The following PRRC2C variants were observed in gnomAD, a reference collection of about 807,000 sequenced individuals.
PRRC2C encodes the protein proline rich coiled-coil 2C, also known as protein PRRC2C.
PRRC2C carries 72 observed loss-of-function variants against 317.2 expected under a neutral mutation model. The ratio of observed to expected loss-of-function variants is 0.23; its 90% CI spans 0.19 to 0.28. The LOEUF (loss-of-function observed/expected upper bound fraction) is 0.28. PRRC2C is among the 10% of genes least tolerant of loss of function. The pLI is 1.00. For missense variants in PRRC2C, 3,074 were observed against 3,459.7 expected, an observed-to-expected ratio of 0.89 and a Z score of 2.80; for synonymous variants, 1,296 against 1,205.9, an observed-to-expected ratio of 1.07 and a Z score of -1.55.
intron 18 of PRRC2C, among the ~76,000 whole-genome samples, chr1:171,555,025 G>A (rs1681078441): frequency 6.6e-6 from 1 of 152,200 alleles, no homozygotes; most frequent in African/African-American, 2.4e-5. Context: ...CTAGGTTGGG[G>A]AAGTTCTCCT....
intron 1 of PRRC2C, among the ~76,000 whole-genome samples, chr1:171,509,330 G>C (rs1372016574): frequency 6.6e-6 from 1 of 152,222 alleles, no homozygotes; most frequent in African/African-American, 2.4e-5. Flanking sequence ...TAAACAGGCA[G>C]TGTGGGGATA....
At position 171,573,211 on chromosome 1, in the gene PRRC2C, A is replaced by G. The variant is rs142176993; in HGVS notation, c.6754-1716A>G. On this transcript the variant is annotated intron_variant, in intron 24 of 34. Transcript: ENST00000647382. ...TTGACAAAATATGAAAAAAATGAGTATGATTAACTAATTGTACTTTTAGTT... is the reference window on the plus strand; with the variant it reads ...TTGACAAAATATGAAAAAAATGAGTGTGATTAACTAATTGTACTTTTAGTT... Among the ~76,000 whole-genome samples the G allele has an allele frequency of 2.2e-3, 337 of 152,362 alleles. 1 individual carries two copies. The highest frequency in any genetic ancestry group is 7.8e-3 in the African/African-American group (326 of 41,586).
At chr1:171,591,170 G>A (rs1289888416) in intron 34 of PRRC2C, 2 of 990,990 alleles carry the variant, frequency 2.0e-6, no homozygotes, top group Non-Finnish European at 2.4e-6. Context: ...TGTGGGAAGA[G>A]GACTCAGCCA....
chr1:171,566,890 C>A, intron 22 of PRRC2C, 47 bp downstream of exon 22: 1 of 1,543,350 alleles, frequency 6.5e-7, no homozygotes, highest in Non-Finnish European at 8.7e-7. Flanking sequence ...CAAGCCATGT[C>A]TAAAATGAAC....
At chr1:171,528,585 C>A (rs1311075421) in intron 11 of PRRC2C, among the ~76,000 whole-genome samples, 6 of 152,156 alleles carry the variant, frequency 3.9e-5, no homozygotes, top group Non-Finnish European at 1.5e-5. Flanking sequence ...GCCACCGCGC[C>A]CGGCCAATGA....
chr1:171,555,065 T>G (rs945568168), intron 18 of PRRC2C, among the ~76,000 whole-genome samples: 1 of 152,240 alleles, frequency 6.6e-6, no homozygotes, highest in Non-Finnish European at 1.5e-5. Flanking sequence ...GTTTTCCAAC[T>G]TGGTTCCATT....
At chr1:171,514,486 T>G (rs1302268267) in intron 3 of PRRC2C, 50 bp from the exon 4 acceptor site, 1 of 1,361,734 alleles carries the variant, frequency 7.3e-7, no homozygotes, top group Non-Finnish European at 1.0e-6. Context: ...AATATTGATT[T>G]TATTTAAACA....
At position 171,588,500 on chromosome 1, in the gene PRRC2C, C is replaced by T. The variant is rs1434939328; in HGVS notation, c.8194C>T (p.Pro2732Ser). The T allele has an allele frequency of 6.2e-7, 1 of 1,613,472 alleles. No homozygotes were observed. The highest frequency in any genetic ancestry group is 8.5e-7 in the Non-Finnish European group (1 of 1,179,602). Residue 2732 changes from proline to serine, a missense_variant, in exon 33 of 35, where the codon CCC (proline) becomes TCC (serine). Physicochemically the swap from Pro to Ser is moderately conservative, Grantham distance 74. Coordinates refer to ENST00000647382, the MANE Select transcript of PRRC2C (RefSeq NM_001387844.1). ...ACAACCATTTCCTACACAGTTTGCA[C>T]CCCAGGTGGGCAGACATAATTAAGA... ...MTQPFPTQFA[P>S]QILSQPNLVP...
Position 171,535,963 on chromosome 1 carries a change from A to G in PRRC2C, c.2044-66A>G. On this transcript the variant is annotated intron_variant, in intron 13 of 34. Coordinates refer to ENST00000647382, the MANE Select transcript of PRRC2C (RefSeq NM_001387844.1). ...TCAAAACAGGCCATTATTTTGTGATATGATTGATTATGTTAATTTGTCATG... is the reference window on the plus strand; with the variant it reads ...TCAAAACAGGCCATTATTTTGTGATGTGATTGATTATGTTAATTTGTCATG... 2.6e-6 allele frequency: 4 copies of G among 1,515,162 alleles called. No homozygotes were observed. The South Asian group carries it at 3.6e-5, about 14-fold the overall frequency. The allele number at this position is 1,515,162 out of a possible 1,614,324, so 93.9% of individuals were successfully genotyped here.
chr1:171,583,548 TA>T (rs1250910431), intron 28 of PRRC2C, among the ~76,000 whole-genome samples: 1 of 152,124 alleles, frequency 6.6e-6, no homozygotes, highest in African/African-American at 2.4e-5. Flanking sequence ...AAGTTTTAAG[TA>T]AAAAGAGTAC....
Position 171,577,627 on chromosome 1 carries a change from G to A in PRRC2C, c.7149G>A (p.Gln2383=), listed in dbSNP as rs1009348925. Residue 2383 remains glutamine, a synonymous_variant, in exon 26 of 35, where the codon CAG becomes CAA. Coordinates refer to ENST00000647382, the MANE Select transcript of PRRC2C (RefSeq NM_001387844.1). ...QQQNPQVYVS[Q]SAAAQIPAFY... Reference sequence around the variant, plus strand: ...AGAATCCGCAAGTTTATGTGTCTCAGTCTGCAGCAGGTAATGTTTTTAGGC... The same window carrying A: ...AGAATCCGCAAGTTTATGTGTCTCAATCTGCAGCAGGTAATGTTTTTAGGC... 2 of 1,611,932 alleles carry A rather than the reference G, an allele frequency of 1.2e-6. No homozygotes were observed. Among genetic ancestry groups the A allele is most frequent in the African/African-American group, 1.3e-5 (1 of 74,972 alleles).
chr1:171,532,992 A>G, intron 12 of PRRC2C, 31 bp downstream of exon 12: 1 of 1,501,698 alleles, frequency 6.7e-7, no homozygotes, highest in Non-Finnish European at 8.8e-7. Flanking sequence ...CTCTTTTAAA[A>G]ACTTTACAAA....
At chr1:171,584,320 C>A (rs1403277134) in intron 29 of PRRC2C, 99 bp from the exon 30 acceptor site, 1 of 1,345,318 alleles carries the variant, frequency 7.4e-7, no homozygotes, top group South Asian at 1.4e-5. Flanking sequence ...TTATCTAATA[C>A]TAAAAATTGC....
At position 171,590,218 on chromosome 1, in the gene PRRC2C, G is replaced by A. The variant is rs77738480; in HGVS notation, c.8436+613G>A. ...GTGGTTGTATTCCACAGTGGATTGT[G>A]CAGTTATAGATGAAGAACTCAGAAA... On this transcript the variant is annotated intron_variant, in intron 34 of 34. Transcript: ENST00000647382. 4.4e-3 allele frequency among the ~76,000 whole-genome samples: 663 copies of A among 152,186 alleles called. 19 individuals carry two copies. The East Asian group carries it at 0.084, about 19-fold the overall frequency.
At chr1:171,526,738 A>G (rs1169647208) in intron 10 of PRRC2C, among the ~76,000 whole-genome samples, 2 of 151,926 alleles carry the variant, frequency 1.3e-5, no homozygotes, top group Non-Finnish European at 2.9e-5. Context: ...CTTTTATTTA[A>G]AAAGAGAGGA....
At position 171,562,292 on chromosome 1, in the gene PRRC2C, G is replaced by C. The variant is rs1297651593; in HGVS notation, c.6117+1189G>C. Among the ~76,000 whole-genome samples the C allele has an allele frequency of 2.0e-5, 3 of 152,200 alleles. No homozygotes were observed. In the East Asian group the frequency reaches 5.8e-4, roughly 29 times the overall value. ...TCCATGTAGCTGGAATGAAGTAAGA[G>C]ATGGAAAGAGAATAGATGAAGTTGG... On this transcript the variant is annotated intron_variant, in intron 20 of 34. Transcript: ENST00000647382.
chr1:171,557,544 T>G lies in PRRC2C; in HGVS notation c.5432T>G (p.Val1811Gly), dbSNP rs1443868219. 3.2e-6 allele frequency: 5 copies of G among 1,551,282 alleles called. No individual in the cohort carries two copies. The highest frequency in any genetic ancestry group is 4.4e-6 in the Non-Finnish European group (5 of 1,146,942). The change falls in exon 19 of 35, where the codon GTT becomes GGT. Residue 1811 changes from valine to glycine, a missense_variant. Val to Gly is a moderately radical substitution (Grantham distance 109). Coordinates refer to ENST00000647382, the MANE Select transcript of PRRC2C (RefSeq NM_001387844.1). The stretch of plus-strand genomic sequence containing the variant: ...GTTCCAGCCTCACCCTTAGCTCCAG[T>G]TTCAGCCTCAGCCTCAGTCTCAGCT... The part of the protein sequence containing the change: ...APVPASPLAP[V>G]SASASVSASV...
chr1:171,589,099 T>C (rs2102894920), intron 33 of PRRC2C, among the ~76,000 whole-genome samples: 1 of 152,332 alleles, frequency 6.6e-6, no homozygotes, highest in East Asian at 1.9e-4. Flanking sequence ...TAAAAGTCTT[T>C]CTATCCCCCC....
intron 10 of PRRC2C, among the ~76,000 whole-genome samples, chr1:171,527,278 A>G (rs1571797861): frequency 6.7e-6 from 1 of 148,156 alleles, no homozygotes; most frequent in Admixed American, 6.7e-5. Context: ...GATTACAGGC[A>G]CCCGCCACCA....
Sources: gnomAD v4.1 joint callset for allele counts (sites outside exome capture counted in the v4.1 genomes callset) on GRCh38, gnomAD v4.1.1 for gene constraint, MANE v1.5 for transcripts, NCBI Gene and HGNC (gene_info 2026-07-23, HGNC 2026-07-21) for gene names.